The following CFI variants were observed in gnomAD, a reference collection of about 807,000 sequenced individuals.
CFI encodes the protein C3B/C4B inactivator.
In CFI, 66 loss-of-function variants were observed where a neutral mutation model predicts 78.8. The observed-to-expected ratio is 0.84, with a 90% CI of 0.69 to 1.03. The LOEUF (loss-of-function observed/expected upper bound fraction) is 1.03, where lower values mean the gene tolerates loss of function less well. Among genes scored for constraint, CFI ranks in the 50% least tolerant of loss-of-function variants. The pLI is 0.00. For missense variants in CFI, 706 were observed against 704.5 expected, an observed-to-expected ratio of 1.00 and a Z score of -0.02; for synonymous variants, 250 against 232.6, an observed-to-expected ratio of 1.07 and a Z score of -0.68.
intron 1 of CFI, among the ~76,000 whole-genome samples, chr4:109,791,275 T>C (rs1197073289): frequency 6.6e-6 from 1 of 152,078 alleles, no homozygotes; most frequent in African/African-American, 2.4e-5. Context: ...ATGTCCTTTG[T>C]CCACTTTTTA....
downstream of CFI, among the ~76,000 whole-genome samples, chr4:109,738,316 T>C (rs1256802796): frequency 6.6e-6 from 1 of 152,038 alleles, no homozygotes; most frequent in Non-Finnish European, 1.5e-5. Flanking sequence ...CTTGCTATGT[T>C]GCCCAGGCTG....
chr4:109,749,727 T>C (rs1724916027), intron 8 of CFI, 125 bp from the exon 9 acceptor site: 1 of 673,272 alleles, frequency 1.5e-6, no homozygotes, highest in South Asian at 1.6e-5. Flanking sequence ...GCTGGAATCA[T>C]TAGTAAATTA....
intron 1 of CFI, among the ~76,000 whole-genome samples, chr4:109,781,907 G>A (rs6821707): frequency 0.97 from 148,171 of 152,218 alleles, 72,233 homozygotes; most frequent in East Asian, 1. Flanking sequence ...AAAAACCAAA[G>A]TCACATGATC....
intron 1 of CFI, among the ~76,000 whole-genome samples, chr4:109,771,935 T>A (rs150482488): frequency 6.2e-4 from 94 of 150,944 alleles, no homozygotes; most frequent in African/African-American, 2.2e-3. Flanking sequence ...GAGGGGGAAA[T>A]TGTTGAAACA....
intron 7 of CFI, among the ~76,000 whole-genome samples, chr4:109,753,833 A>C (rs62324895): frequency 0.03 from 834 of 28,148 alleles, 12 homozygotes; most frequent in African/African-American, 0.051. Flanking sequence ...TATATATTAT[A>C]TAATGTATAA....
intron 1 of CFI, among the ~76,000 whole-genome samples, chr4:109,782,783 A>G (rs1041300770): frequency 2.6e-5 from 4 of 152,186 alleles, no homozygotes; most frequent in African/African-American, 7.2e-5. Context: ...AAACTATACT[A>G]TAAGGCCATA....
At chr4:109,768,484 C>T (rs1728107669) in intron 1 of CFI, among the ~76,000 whole-genome samples, 1 of 151,952 alleles carries the variant, frequency 6.6e-6, no homozygotes, top group Non-Finnish European at 1.5e-5. Flanking sequence ...TCCTATTTTG[C>T]AAGATTAGAA....
chr4:109,734,545 T>C, the CFI span, among the ~76,000 whole-genome samples: 2 of 152,246 alleles, frequency 1.3e-5, no homozygotes, highest in African/African-American at 4.8e-5. Context: ...GGCTCATGCC[T>C]GTAATTCTAG....
At chr4:109,781,475 G>T (rs1730025285) in intron 1 of CFI, among the ~76,000 whole-genome samples, 1 of 152,038 alleles carries the variant, frequency 6.6e-6, no homozygotes, top group Non-Finnish European at 1.5e-5. Context: ...TAGATACCCT[G>T]AACAGACCAA....
rs766015840 is a variant in CFI at position 109,746,431 on chromosome 4, A to G, written c.1220T>C (p.Ile407Thr). The G allele has an allele frequency of 1.5e-5, 24 of 1,613,840 alleles. 1 individual carries two copies. In the Admixed American group the frequency reaches 2.0e-4, roughly 13 times the overall value. The change falls in exon 11 of 13, where the codon ATA (isoleucine) becomes ACA (threonine). Residue 407 changes from isoleucine to threonine, a missense_variant. Ile to Thr is a moderately conservative substitution (Grantham distance 89). Transcript: ENST00000394634. Reference protein sequence around the residue: ...VDWIHPDLKRIVIEYVDRIIF... With the variant: ...VDWIHPDLKRTVIEYVDRIIF... ...AATTCTATCCACGTATTCAATTACT[A>G]TACGTTTAAGGTCGGGGTGTATCCA...
intron 1 of CFI, among the ~76,000 whole-genome samples, chr4:109,784,527 T>C (rs538837508): frequency 2.1e-4 from 32 of 152,216 alleles, no homozygotes; most frequent in Non-Finnish European, 2.9e-5. Flanking sequence ...AAAGAGATTC[T>C]TGTTGATAGA....
intron 11 of CFI, among the ~76,000 whole-genome samples, chr4:109,745,790 A>G (rs1724335381): frequency 6.6e-6 from 1 of 152,086 alleles, no homozygotes; most frequent in Admixed American, 6.6e-5. Flanking sequence ...CTCCCCAACA[A>G]ATCCAAACAG....
downstream of CFI, among the ~76,000 whole-genome samples, chr4:109,738,788 G>A (rs1723532370): frequency 6.6e-6 from 1 of 152,196 alleles, no homozygotes; most frequent in Non-Finnish European, 1.5e-5. Flanking sequence ...CCAAACACAT[G>A]AGTGAATAAG....
rs755756087 is a variant in CFI, at chr4:109,742,553, A to C, written c.1472T>G (p.Leu491Arg). Residue 491 changes from leucine to arginine, a missense_variant, in exon 12 of 13, where the codon CTA (leucine) becomes CGA (arginine). By Grantham distance (102) the Leu-to-Arg change is moderately radical. Transcript: ENST00000394634. ...GTAAAACTTAGAGCAGTTGCTTATT[A>C]GTTTAACTTCACCCCACTGAAGTGA... is the stretch of plus-strand genomic sequence containing the variant. Reference protein sequence around the residue: ...VFSLQWGEVKLISNCSKFYGN... With the variant: ...VFSLQWGEVKRISNCSKFYGN... The C allele has an allele frequency of 6.2e-7, 1 of 1,613,714 alleles. No homozygotes were observed. Among genetic ancestry groups the C allele is most frequent in the East Asian group, 2.2e-5 (1 of 44,884 alleles).
chr4:109,764,526 C>T lies in CFI; in HGVS notation c.482+11G>A. On this transcript the variant is annotated intron_variant, in intron 3 of 12. Transcript: ENST00000394634. ...TCAGCCATGAGAAAATCCACTGATA[C>T]AAGCGCTCACTGTTGAAACCCAAGG... 2 of 1,613,922 alleles carry T rather than the reference C, an allele frequency of 1.2e-6. No individual in the cohort carries two copies. The highest frequency in any genetic ancestry group is 1.7e-6 in the Non-Finnish European group (2 of 1,179,954).
chr4:109,749,118 G>T lies in CFI; in HGVS notation c.1148+100C>A, dbSNP rs1018402043. The T allele has an allele frequency of 9.5e-6, 10 of 1,055,450 alleles. 1 individual carries two copies. In the Admixed American group the frequency reaches 1.7e-4, roughly 18 times the overall value. The allele number at this position is 1,055,450 out of a possible 1,614,324, so 65.4% of individuals were successfully genotyped here. ...CTTTGCAATTAATATAGTGGAGTTT[G>T]TCAGTACCTTTTTCAGATATGCTTT... On this transcript the variant is annotated intron_variant, in intron 10 of 12. Coordinates refer to ENST00000394634, the MANE Select transcript of CFI (RefSeq NM_000204.5).
At chr4:109,756,128 A>G (rs1424446158) in intron 7 of CFI, among the ~76,000 whole-genome samples, 1 of 152,154 alleles carries the variant, frequency 6.6e-6, no homozygotes, top group African/African-American at 2.4e-5. Flanking sequence ...ATATTAAACC[A>G]CTGAAAAATG....
intron 1 of CFI, among the ~76,000 whole-genome samples, chr4:109,785,246 C>T (rs1730594538): frequency 1.3e-5 from 2 of 152,062 alleles, no homozygotes; most frequent in Admixed American, 1.3e-4. Context: ...GGTCTCTTCA[C>T]ACAGACACAC....
In CFI at chr4:109,741,292, C is replaced by A. The variant is rs572597308; in HGVS notation, c.1535-182G>T. 1.4e-5 allele frequency: 14 copies of A among 985,388 alleles called. No individual in the cohort carries two copies. In the South Asian group the frequency reaches 6.6e-4, roughly 46 times the overall value. The allele number at this position is 985,388 out of a possible 1,614,324, so 61.0% of individuals were successfully genotyped here. ...TTGCAGAGATGCAGCTTGGAAAATT[C>A]TTTACGAGTCTTCTATTTATTCCCC... is the stretch of plus-strand genomic sequence containing the variant. On this transcript the variant is annotated intron_variant, in intron 12 of 12. Transcript: ENST00000394634.
Sources: allele counts gnomAD v4.1 joint callset (sites outside exome capture counted in the v4.1 genomes callset), GRCh38; gene constraint gnomAD v4.1.1; transcripts MANE v1.5; gene names NCBI Gene and HGNC (gene_info 2026-07-23, HGNC 2026-07-21).